HAO1: variants seen among roughly 807,000 people sequenced by gnomAD.
The protein encoded by HAO1 is 2-Hydroxyacid oxidase 1.
Under a neutral mutation model 39.7 loss-of-function variants are expected in HAO1, and 34 were observed. That is an observed-to-expected ratio of 0.86 (90% CI 0.65 to 1.14). The LOEUF (loss-of-function observed/expected upper bound fraction) is 1.14. Ranked by LOEUF, HAO1 falls within the 50% of genes most tolerant of loss-of-function variation. The pLI, the probability that HAO1 is intolerant of heterozygous loss-of-function variation, is 0.00. For missense variants in HAO1, 479 were observed against 464.5 expected, an observed-to-expected ratio of 1.03 and a Z score of -0.29; for synonymous variants, 172 against 173.2, an observed-to-expected ratio of 0.99 and a Z score of 0.05.
Position 7,914,312 on chromosome 20 carries a change from T to C in HAO1, c.397A>G (p.Ile133Val). 6.2e-7 allele frequency: 1 copy of C among 1,614,040 alleles called. No homozygotes were observed. The highest frequency in any genetic ancestry group is 8.5e-7 in the Non-Finnish European group (1 of 1,179,972). Reference protein sequence around the residue: ...PEALRWLQLYIYKDREVTKKL... With the variant: ...PEALRWLQLYVYKDREVTKKL... ...TTGGTGACTTCTCGGTCCTTGTAGA[T>C]ATACAGTTGCAGCCAACGAAGTGCC... The change falls in exon 3 of 8, where the codon ATC (isoleucine) becomes GTC (valine). Residue 133 changes from isoleucine to valine, a missense_variant. Transcript: ENST00000378789.
At chr20:7,924,250 T>C (rs757280226) in intron 2 of HAO1, among the ~76,000 whole-genome samples, 22 of 152,028 alleles carry the variant, frequency 1.4e-4, no homozygotes, top group Non-Finnish European at 2.8e-4. Flanking sequence ...CTTGCTTATC[T>C]GGGATTTGTC....
At chr20:7,931,217 C>T (rs914521085) in intron 2 of HAO1, among the ~76,000 whole-genome samples, 8 of 152,118 alleles carry the variant, frequency 5.3e-5, no homozygotes, top group South Asian at 2.1e-4. Context: ...TCTGCAATCT[C>T]GATGTCACCA....
intron 2 of HAO1, among the ~76,000 whole-genome samples, chr20:7,925,961 C>A (rs958289032): frequency 1.3e-5 from 2 of 152,018 alleles, no homozygotes; most frequent in African/African-American, 4.8e-5. Context: ...TATGAAAATA[C>A]TTTAGCAATG....
chr20:7,915,164 T>C (rs1398649811), intron 2 of HAO1, among the ~76,000 whole-genome samples: 1 of 152,142 alleles, frequency 6.6e-6, no homozygotes, highest in Non-Finnish European at 1.5e-5. Context: ...TCTGCATCAA[T>C]ATGCTAAACC....
chr20:7,897,226 GTTTATTT>G (rs2050201702), intron 4 of HAO1, among the ~76,000 whole-genome samples: 1 of 152,142 alleles, frequency 6.6e-6, no homozygotes, highest in South Asian at 2.1e-4. Flanking sequence ...ACAGTTTTAT[GTTTATTT>G]TATCTCTTTA....
At chr20:7,914,611 A>G (rs1304458044) in intron 2 of HAO1, among the ~76,000 whole-genome samples, 192 bp from the exon 3 acceptor site, 1 of 152,194 alleles carries the variant, frequency 6.6e-6, no homozygotes, top group Non-Finnish European at 1.5e-5. Flanking sequence ...ACAAATGGCT[A>G]CTGGAGTTAT....
chr20:7,885,064 T>C (rs2050144592), intron 7 of HAO1, among the ~76,000 whole-genome samples: 1 of 152,136 alleles, frequency 6.6e-6, no homozygotes, highest in South Asian at 2.1e-4. Context: ...CAAGAATGAC[T>C]GAAGATTTTT....
At chr20:7,898,288 C>A (rs958319694) in intron 4 of HAO1, among the ~76,000 whole-genome samples, 1 of 152,134 alleles carries the variant, frequency 6.6e-6, no homozygotes, top group Non-Finnish European at 1.5e-5. Flanking sequence ...ACATAATCTA[C>A]CCCTACCTCC....
In HAO1 at chr20:7,928,099, T is replaced by G. The variant is rs556281065; in HGVS notation, c.289+6385A>C. ...ATCACTTTCTGAGTTTATGCAACAT[T>G]TATTAAAGACGTTTGTGTTTTTAGC... On this transcript the variant is annotated intron_variant, in intron 2 of 7. Coordinates refer to ENST00000378789, the MANE Select transcript of HAO1 (RefSeq NM_017545.3). 4.1e-4 allele frequency among the ~76,000 whole-genome samples: 63 copies of G among 152,330 alleles called. 1 individual carries two copies. Among genetic ancestry groups the G allele is most frequent in the Non-Finnish European group, 7.5e-4 (51 of 68,028 alleles).
intron 5 of HAO1, among the ~76,000 whole-genome samples, chr20:7,889,616 A>G (rs114377802): frequency 1.2e-3 from 176 of 152,288 alleles, no homozygotes; most frequent in African/African-American, 3.9e-3. Flanking sequence ...AGATGAACTG[A>G]AGTTAAATTA....
chr20:7,909,152 G>C (rs1045776269), intron 3 of HAO1, among the ~76,000 whole-genome samples: 8 of 151,750 alleles, frequency 5.3e-5, no homozygotes, highest in African/African-American at 1.9e-4. Flanking sequence ...GTTATTCTTG[G>C]ATGGTGAAAT....
intron 3 of HAO1, among the ~76,000 whole-genome samples, chr20:7,909,360 C>CATATATATATATATATGTATATATATAT (rs2050264618): frequency 9.2e-6 from 1 of 109,090 alleles, no homozygotes; most frequent in Admixed American, 9.1e-5. Context: ...CGGATTATGA[C>CATATATATATATATATGTATATATATAT]ATATATATAT....
Position 7,883,551 on chromosome 20 carries a change from T to A in HAO1, c.*42A>T. 6.9e-7 allele frequency: 1 copy of A among 1,451,020 alleles called. No individual in the cohort carries two copies. The highest frequency in any genetic ancestry group is 9.7e-7 in the Non-Finnish European group (1 of 1,031,082). The allele number at this position is 1,451,020 out of a possible 1,614,324, so 89.9% of individuals were successfully genotyped here. A position where few individuals can be genotyped will look rare whatever the true frequency, so the allele number is the denominator to read the frequency against. On this transcript the variant is annotated 3_prime_UTR_variant, in exon 8 of 8. Coordinates refer to ENST00000378789, the MANE Select transcript of HAO1 (RefSeq NM_017545.3). Reference sequence around the variant, plus strand: ...CAGTGTCTCTTTGTCAAGTAATACATGCTGAAAAAAAATAATACAGATGGG... The same window carrying A: ...CAGTGTCTCTTTGTCAAGTAATACAAGCTGAAAAAAAATAATACAGATGGG...
chr20:7,896,226 C>T (rs532563052), intron 4 of HAO1, among the ~76,000 whole-genome samples: 1 of 152,240 alleles, frequency 6.6e-6, no homozygotes, highest in South Asian at 2.1e-4. Flanking sequence ...TTATTTTTAG[C>T]ATGTCCTAAT....
chr20:7,892,392 T>C (rs147649452), intron 5 of HAO1, among the ~76,000 whole-genome samples: 67 of 152,322 alleles, frequency 4.4e-4, no homozygotes, highest in African/African-American at 1.5e-3. Context: ...TGTATAATCC[T>C]ACAATATACA....
intron 7 of HAO1, 72 bp from the exon 8 acceptor site, chr20:7,883,735 G>A: frequency 8.1e-7 from 1 of 1,227,008 alleles, no homozygotes; most frequent in South Asian, 1.2e-5. Context: ...GTTTTCCCAA[G>A]GAATGTAAAA....
At chr20:7,909,688 A>G (rs1182785274) in intron 3 of HAO1, among the ~76,000 whole-genome samples, 2 of 151,928 alleles carry the variant, frequency 1.3e-5, no homozygotes, top group East Asian at 3.9e-4. Context: ...AATAACCAAT[A>G]GTAACACTAT....
intron 1 of HAO1, among the ~76,000 whole-genome samples, chr20:7,935,427 A>T (rs1355676934): frequency 2.6e-5 from 4 of 152,226 alleles, no homozygotes; most frequent in African/African-American, 9.6e-5. Context: ...TTAAGAAGAT[A>T]TGCTATGTCT....
intron 4 of HAO1, among the ~76,000 whole-genome samples, chr20:7,905,700 C>G (rs905397818): frequency 6.6e-6 from 1 of 152,134 alleles, no homozygotes; most frequent in Non-Finnish European, 1.5e-5. Context: ...TGACCACACT[C>G]AAAAACTAGT....
Sources: gnomAD v4.1 joint callset for allele counts (sites outside exome capture counted in the v4.1 genomes callset) on GRCh38, gnomAD v4.1.1 for gene constraint, MANE v1.5 for transcripts, NCBI Gene and HGNC (gene_info 2026-07-23, HGNC 2026-07-21) for gene names.